Variants in UBAC1 observed in about 807,000 individuals in gnomAD.
UBAC1 encodes UBA domain containing 1, also known as ubiquitin-associated domain-containing protein 1.
A neutral mutation model predicts 45.9 loss-of-function variants in UBAC1; 27 were observed. The ratio of observed to expected loss-of-function variants is 0.59; its 90% CI spans 0.43 to 0.81. The LOEUF is 0.81. Ranked by LOEUF, UBAC1 falls within the 30% of genes least tolerant of loss-of-function variation. The probability of loss-of-function intolerance (pLI) is 0.00; values close to 1 mark genes in which losing one functional copy is unlikely to be tolerated. For missense variants in UBAC1, 529 were observed against 539.2 expected (o/e 0.98, Z 0.19); for synonymous variants, 227 against 215.5 (o/e 1.05, Z -0.47).
At position 135,935,837 on chromosome 9, in the gene UBAC1, T is replaced by C. The variant is rs1376228303; in HGVS notation, c.1103-2322A>G. Among the ~76,000 whole-genome samples the C allele has an allele frequency of 3.3e-5, 5 of 152,144 alleles. No homozygotes were observed. The East Asian group carries it at 9.7e-4, about 29-fold the overall frequency. ...GTCAGGAGATCAAGACCATCCTGGC[T>C]AACACGGTGAAACCCTGTCTCTACT... On this transcript the variant is annotated intron_variant, in intron 9 of 9. Coordinates refer to ENST00000371756, the MANE Select transcript of UBAC1 (RefSeq NM_016172.3).
chr9:135,961,306 G>T lies in UBAC1; in HGVS notation c.-144C>A. 1 of 627,242 alleles carries T rather than the reference G, an allele frequency of 1.6e-6. No homozygotes were observed. The highest frequency in any genetic ancestry group is 7.0e-5 in the South Asian group (1 of 14,240). The allele number at this position is 627,242 out of a possible 1,614,324, so 38.9% of individuals were successfully genotyped here. ...CGCCCCGGCTCCCGTCGGCCGGGCC[G>T]CCGTCACTCTCCGCGGCCTCAGCGG... On this transcript the variant is annotated 5_prime_UTR_variant, in exon 1 of 10. Coordinates refer to ENST00000371756, the MANE Select transcript of UBAC1 (RefSeq NM_016172.3).
chr9:135,953,796 T>C, intron 2 of UBAC1, 43 bp from the exon 3 acceptor site: 2 of 1,572,698 alleles, frequency 1.3e-6, no homozygotes, highest in Non-Finnish European at 1.7e-6. Flanking sequence ...GGTTATCACT[T>C]CATATCCACA....
rs117060097 is a variant in UBAC1, at chr9:135,960,148, G to A, written c.138+877C>T. Among the ~76,000 whole-genome samples, 1,083 of 152,292 alleles carry A rather than the reference G, an allele frequency of 7.1e-3. 8 individuals carry two copies. Among genetic ancestry groups the A allele is most frequent in the Middle Eastern group, 0.044 (13 of 294 alleles). ...ATGGAGTCGCCACTAGAAAATTGCAGCCTCCTTCAACCTAAATTCTGCCAA... is the reference window on the plus strand; with the variant it reads ...ATGGAGTCGCCACTAGAAAATTGCAACCTCCTTCAACCTAAATTCTGCCAA... On this transcript the variant is annotated intron_variant, in intron 1 of 9. Transcript: ENST00000371756.
At chr9:135,945,403 C>T (rs1020370783) in intron 6 of UBAC1, 153 bp from the exon 7 acceptor site, 25 of 655,404 alleles carry the variant, frequency 3.8e-5, no homozygotes, top group Non-Finnish European at 5.2e-5. Flanking sequence ...AACACAGGTG[C>T]GACGGAAGCG....
At chr9:135,957,772 CTT>C (rs56142900) in intron 1 of UBAC1, among the ~76,000 whole-genome samples, 422 of 135,598 alleles carry the variant, frequency 3.1e-3, no homozygotes, top group Admixed American at 3.7e-3. Context: ...TGAACTCCTT[CTT>C]TTTTTTTTTT....
rs755543444 is a variant in UBAC1, at chr9:135,953,647, C to G, written c.333+33G>C. The G allele has an allele frequency of 1.5e-5, 24 of 1,583,986 alleles. No individual in the cohort carries two copies. The Admixed American group carries it at 4.1e-4, about 27-fold the overall frequency. On this transcript the variant is annotated intron_variant, in intron 3 of 9. Coordinates refer to ENST00000371756, the MANE Select transcript of UBAC1 (RefSeq NM_016172.3). Reference sequence around the variant, plus strand: ...ATTCTTAAATGTAGACTTCTACCAACCAAGGTCCCCAATTGCAAACTTTGA... The same window carrying G: ...ATTCTTAAATGTAGACTTCTACCAAGCAAGGTCCCCAATTGCAAACTTTGA...
intron 3 of UBAC1, among the ~76,000 whole-genome samples, chr9:135,949,112 G>C (rs1405179668): frequency 6.6e-6 from 1 of 151,506 alleles, no homozygotes; most frequent in Admixed American, 6.6e-5. Context: ...GGAGTCAGCA[G>C]GGAAGAGGAT....
At chr9:135,942,871 T>C (rs1249130608) in intron 7 of UBAC1, among the ~76,000 whole-genome samples, 1 of 152,052 alleles carries the variant, frequency 6.6e-6, no homozygotes, top group Admixed American at 6.6e-5. Context: ...AGACCCTTAC[T>C]TAAAACAGGA....
chr9:135,940,792 A>G (rs991091526), intron 7 of UBAC1, among the ~76,000 whole-genome samples: 1 of 152,192 alleles, frequency 6.6e-6, no homozygotes, highest in Admixed American at 6.5e-5. Context: ...AATAAGTAAG[A>G]TGAAGGCTTC....
At chr9:135,938,168 G>A in intron 9 of UBAC1, 54 bp downstream of exon 9, 2 of 1,594,914 alleles carry the variant, frequency 1.3e-6, no homozygotes, top group Non-Finnish European at 1.7e-6. Context: ...TGTCCTGCAA[G>A]GGAACCAGCC....
intron 9 of UBAC1, among the ~76,000 whole-genome samples, chr9:135,936,270 G>A (rs971855131): frequency 1.3e-5 from 2 of 152,040 alleles, no homozygotes; most frequent in Admixed American, 6.6e-5. Context: ...TGGAGAGCTA[G>A]GAGGAATATG....
chr9:135,948,557 C>A (rs2131089459), intron 3 of UBAC1, among the ~76,000 whole-genome samples: 1 of 152,384 alleles, frequency 6.6e-6, no homozygotes, highest in Non-Finnish European at 1.5e-5. Flanking sequence ...CCCCTGCCAT[C>A]CAGTCCTGCC....
chr9:135,946,465 G>C (rs1314916373), intron 4 of UBAC1, 94 bp from the exon 5 acceptor site: 6 of 801,032 alleles, frequency 7.5e-6, no homozygotes, highest in Non-Finnish European at 1.3e-5. Flanking sequence ...TCTTGATTCT[G>C]AGAGTTGAGA....
At chr9:135,938,435 G>A in intron 8 of UBAC1, 75 bp from the exon 9 acceptor site, 3 of 1,547,548 alleles carry the variant, frequency 1.9e-6, no homozygotes, top group South Asian at 1.2e-5. Context: ...CAGCAGGCAT[G>A]ACAGCTCCTG....
chr9:135,940,351 A>G (rs1343466814), intron 7 of UBAC1, among the ~76,000 whole-genome samples: 2 of 151,968 alleles, frequency 1.3e-5, no homozygotes, highest in African/African-American at 2.4e-5. Context: ...AGGCCGAGGC[A>G]GGCGGATCAC....
intron 8 of UBAC1, among the ~76,000 whole-genome samples, chr9:135,939,208 A>AT (rs1246352923): frequency 4.9e-5 from 7 of 143,164 alleles, no homozygotes; most frequent in African/African-American, 9.9e-5. Context: ...CTCCAAAAAA[A>AT]TTAAAAAAAA....
At chr9:135,960,374 C>T (rs1381159968) in intron 1 of UBAC1, among the ~76,000 whole-genome samples, 2 of 152,208 alleles carry the variant, frequency 1.3e-5, no homozygotes, top group African/African-American at 4.8e-5. Context: ...TGGGACTTCT[C>T]TCTTGACCAA....
chr9:135,936,112 G>C (rs1839201057), intron 9 of UBAC1, among the ~76,000 whole-genome samples: 1 of 151,792 alleles, frequency 6.6e-6, no homozygotes, highest in South Asian at 2.1e-4. Flanking sequence ...TGTGCTGGGG[G>C]CAGATCTTGC....
intron 7 of UBAC1, among the ~76,000 whole-genome samples, chr9:135,944,714 G>A (rs1839306560): frequency 6.6e-6 from 1 of 152,254 alleles, no homozygotes; most frequent in South Asian, 2.1e-4. Flanking sequence ...TGAGTGGTCA[G>A]AAGGAACTGT....
Sources: gnomAD v4.1 joint callset for allele counts (sites outside exome capture counted in the v4.1 genomes callset) on GRCh38, gnomAD v4.1.1 for gene constraint, MANE v1.5 for transcripts, NCBI Gene and HGNC (gene_info 2026-07-23, HGNC 2026-07-21) for gene names.